PCDH15: variants seen among roughly 807,000 people sequenced by gnomAD.
PCDH15 encodes the protein protocadherin-15.
Under a neutral mutation model 178.5 loss-of-function variants are expected in PCDH15, and 129 were observed. The ratio of observed to expected loss-of-function variants is 0.72; its 90% confidence interval spans 0.63 to 0.84. The LOEUF is 0.84. Among genes scored for constraint, PCDH15 ranks in the 40% least tolerant of loss-of-function variants. The pLI is 0.00. For missense variants in PCDH15, 2,230 were observed against 2,099.9 expected (o/e 1.06, Z -1.21); for synonymous variants, 800 against 732.0 (o/e 1.09, Z -1.50).
At chr10:55,439,210 C>G (rs1261857359) in intron 2 of PCDH15, among the ~76,000 whole-genome samples, 1 of 151,862 alleles carries the variant, frequency 6.6e-6, no homozygotes, top group Non-Finnish European at 1.5e-5. Context: ...GTAAAACAGA[C>G]CAAGTCACAT....
chr10:54,402,375 G>A (rs964200604), intron 3 of PCDH15, among the ~76,000 whole-genome samples: 3 of 151,912 alleles, frequency 2.0e-5, no homozygotes, highest in African/African-American at 4.8e-5. Context: ...AAGGATCAAT[G>A]ACATATATTA....
chr10:54,527,414 C>T (rs2083459897), intron 3 of PCDH15, among the ~76,000 whole-genome samples: 2 of 152,056 alleles, frequency 1.3e-5, no homozygotes, highest in African/African-American at 4.8e-5. Flanking sequence ...GATCTAGATC[C>T]TTACCAGATC....
chr10:55,336,232 G>T (rs1844390373), intron 2 of PCDH15, among the ~76,000 whole-genome samples: 1 of 151,612 alleles, frequency 6.6e-6, no homozygotes, highest in Non-Finnish European at 1.5e-5. Context: ...GGGCGCAGTG[G>T]CTCCTGCCTG....
intron 1 of PCDH15, among the ~76,000 whole-genome samples, chr10:54,786,029 C>T (rs1334521669): frequency 1.3e-5 from 2 of 152,044 alleles, no homozygotes; most frequent in East Asian, 3.9e-4. Context: ...TGAGTGTCCA[C>T]ACTTATGATA....
intron 10 of PCDH15, among the ~76,000 whole-genome samples, chr10:54,197,372 A>G (rs971301305): frequency 6.6e-6 from 1 of 152,044 alleles, no homozygotes; most frequent in Non-Finnish European, 1.5e-5. Flanking sequence ...TTAAAGGAAG[A>G]TTTCATCACA....
At chr10:54,507,790 C>T (rs1565453196) in intron 3 of PCDH15, among the ~76,000 whole-genome samples, 2 of 152,004 alleles carry the variant, frequency 1.3e-5, no homozygotes, top group Non-Finnish European at 2.9e-5. Flanking sequence ...ATCACTTTAA[C>T]AGCACTAATT....
At chr10:53,855,920 A>ATATATATATGTGTGTGTG (rs1201156130) in intron 28 of PCDH15, among the ~76,000 whole-genome samples, 21 of 140,372 alleles carry the variant, frequency 1.5e-4, no homozygotes, top group Non-Finnish European at 2.4e-4. Context: ...ATATATATAT[A>ATATATATATGTGTGTGTG]TGTATGTGTG....
intron 2 of PCDH15, among the ~76,000 whole-genome samples, chr10:54,612,424 GTTAAAC>G (rs1237162247): frequency 2.6e-5 from 4 of 151,618 alleles, no homozygotes; most frequent in Non-Finnish European, 5.9e-5. Flanking sequence ...TCTTTGCATT[GTTAAAC>G]TTAAATAAGT....
chr10:54,706,812 C>T (rs1423954356), intron 1 of PCDH15, among the ~76,000 whole-genome samples: 14 of 152,022 alleles, frequency 9.2e-5, no homozygotes, highest in Middle Eastern at 3.4e-3. Context: ...TTACTAGAGA[C>T]GGGTTTCACC....
At chr10:54,574,743 G>A (rs1365442670) in intron 2 of PCDH15, among the ~76,000 whole-genome samples, 7 of 150,284 alleles carry the variant, frequency 4.7e-5, no homozygotes, top group East Asian at 2.0e-4. Flanking sequence ...TCAGTGTGGC[G>A]ATTCCTCAGG....
chr10:53,890,139 T>C (rs919888312), intron 26 of PCDH15, among the ~76,000 whole-genome samples: 1 of 152,108 alleles, frequency 6.6e-6, no homozygotes, highest in Non-Finnish European at 1.5e-5. Flanking sequence ...TCAAAAATAT[T>C]CTTTTAGGCT....
chr10:54,667,358 T>C (rs1453332467), intron 1 of PCDH15, among the ~76,000 whole-genome samples: 1 of 151,942 alleles, frequency 6.6e-6, no homozygotes, highest in Non-Finnish European at 1.5e-5. Flanking sequence ...AACAAAGATA[T>C]AATGAAAAGG....
chr10:54,565,930 C>CA (rs1458405339), intron 2 of PCDH15, among the ~76,000 whole-genome samples: 2 of 151,838 alleles, frequency 1.3e-5, no homozygotes, highest in African/African-American at 4.8e-5. Context: ...ACTAAAAGTA[C>CA]AAAATTAGCC....
intron 2 of PCDH15, among the ~76,000 whole-genome samples, chr10:55,028,807 G>A (rs373629191): frequency 4.7e-4 from 71 of 151,940 alleles, no homozygotes; most frequent in African/African-American, 1.4e-3. Context: ...TTTAAAGATC[G>A]TACATGTTTA....
intron 1 of PCDH15, among the ~76,000 whole-genome samples, chr10:54,683,919 T>C (rs2094945617): frequency 6.6e-6 from 1 of 151,862 alleles, no homozygotes; most frequent in Non-Finnish European, 1.5e-5. Flanking sequence ...CTAGAAAGGG[T>C]GTTGATTATA....
chr10:54,550,079 T>C (rs1473892822), intron 2 of PCDH15, among the ~76,000 whole-genome samples: 1 of 152,186 alleles, frequency 6.6e-6, no homozygotes, highest in Non-Finnish European at 1.5e-5. Flanking sequence ...CCAAAACAAA[T>C]GTGGATTTTA....
At chr10:54,600,731 G>A (rs1180902428) in intron 2 of PCDH15, 4 of 517,724 alleles carry the variant, frequency 7.7e-6, no homozygotes, top group African/African-American at 2.0e-5. Flanking sequence ...ATTTCAAAAT[G>A]CATGTGATTG....
At chr10:54,711,736 C>T (rs539920233) in intron 1 of PCDH15, among the ~76,000 whole-genome samples, 10 of 148,554 alleles carry the variant, frequency 6.7e-5, no homozygotes, top group African/African-American at 2.2e-4. Context: ...TTCATTCAAC[C>T]TTAATTTGAA....
chr10:55,100,958 A>T (rs1779260), intron 2 of PCDH15, among the ~76,000 whole-genome samples: 69,213 of 152,072 alleles, frequency 0.46, 19,644 homozygotes, highest in African/African-American at 0.8. Context: ...TTCCTCATCT[A>T]TGGTGTATTG....
Sources: allele counts gnomAD v4.1 joint callset (sites outside exome capture counted in the v4.1 genomes callset), GRCh38; gene constraint gnomAD v4.1.1; transcripts MANE v1.5; gene names NCBI Gene and HGNC (gene_info 2026-07-23, HGNC 2026-07-21).